The following GRID2 variants were observed in gnomAD, a reference collection of about 807,000 sequenced individuals.
GRID2 encodes glutamate ionotropic receptor delta type subunit 2.
In GRID2, 33 loss-of-function variants were observed where a neutral mutation model predicts 114.8. The ratio of observed to expected loss-of-function variants is 0.29; its 90% CI spans 0.22 to 0.38. The LOEUF (loss-of-function observed/expected upper bound fraction) is 0.38, where lower values mean the gene tolerates loss of function less well. GRID2 is among the 10% of genes least tolerant of loss of function. The pLI is 1.00. For synonymous variants in GRID2, 505 were observed against 449.9 expected, an observed-to-expected ratio of 1.12 and a Z score of -1.55; for missense variants, 1,184 against 1,257.7, an observed-to-expected ratio of 0.94 and a Z score of 0.89.
rs550475475 is a variant in GRID2 at position 92,919,526 on chromosome 4, T to C, written c.245-165469T>C. Among the ~76,000 whole-genome samples the C allele has an allele frequency of 7.2e-5, 11 of 152,338 alleles. No individual in the cohort carries two copies. In the South Asian group the frequency reaches 1.2e-3, roughly 17 times the overall value. ...TTCCCTCTACACACTGCTTTGAATGTGTCCCAGAGATTCTGGTATGTTGTG... is the reference window on the plus strand; with the variant it reads ...TTCCCTCTACACACTGCTTTGAATGCGTCCCAGAGATTCTGGTATGTTGTG... On this transcript the variant is annotated intron_variant, in intron 2 of 15. Coordinates refer to ENST00000282020, the MANE Select transcript of GRID2 (RefSeq NM_001510.4).
chr4:92,568,398 A>G (rs955754313), intron 1 of GRID2, among the ~76,000 whole-genome samples: 2 of 151,790 alleles, frequency 1.3e-5, no homozygotes, highest in African/African-American at 4.8e-5. Flanking sequence ...TTTTACAACA[A>G]TCTTTTGTCT....
intron 1 of GRID2, among the ~76,000 whole-genome samples, chr4:92,547,837 A>T (rs1726343622): frequency 6.6e-6 from 1 of 152,214 alleles, no homozygotes; most frequent in Non-Finnish European, 1.5e-5. Context: ...TGTTGAAATA[A>T]TTCTAGGTTC....
At chr4:92,969,086 C>T (rs1384596677) in intron 2 of GRID2, among the ~76,000 whole-genome samples, 1 of 151,602 alleles carries the variant, frequency 6.6e-6, no homozygotes, top group African/African-American at 2.4e-5. Context: ...ATGATCAAGT[C>T]ACTTACATTT....
Position 92,693,029 on chromosome 4 carries a change from A to AAAAG in GRID2, c.244+102746_244+102747insGAAA, listed in dbSNP as rs1553917424. 3.4e-3 allele frequency among the ~76,000 whole-genome samples: 506 copies of AAAAG among 150,860 alleles called. 1 individual carries two copies. The highest frequency in any genetic ancestry group is 5.1e-3 in the African/African-American group (210 of 41,232). ...TAGAGCGAAACTGTCTCAAAAAAAAAAAAAGAAAAGAAAAGAAAGAAATGC... is the reference window on the plus strand; with the variant it reads ...TAGAGCGAAACTGTCTCAAAAAAAAAAAAGAAAAGAAAAGAAAAGAAAGAAATGC... On this transcript the variant is annotated intron_variant, in intron 2 of 15. Coordinates refer to ENST00000282020, the MANE Select transcript of GRID2 (RefSeq NM_001510.4).
At position 92,611,048 on chromosome 4, in the gene GRID2, GTA is replaced by G. The variant is rs201876607; in HGVS notation, c.244+20772_244+20773del. On this transcript the variant is annotated intron_variant, in intron 2 of 15. Coordinates refer to ENST00000282020, the MANE Select transcript of GRID2 (RefSeq NM_001510.4). ...TGTGTGTGTGTGTGTGTGTGTAGCT[GTA>G]TATATATATGTGTGTGTGTATATAT... Among the ~76,000 whole-genome samples, 80 of 141,686 alleles carry G rather than the reference GTA, an allele frequency of 5.6e-4. 1 individual carries two copies. The East Asian group carries it at 0.013, about 23-fold the overall frequency. The allele number at this position is 141,686 out of a possible 152,430, so 93.0% of individuals were successfully genotyped here.
intron 2 of GRID2, among the ~76,000 whole-genome samples, chr4:93,046,493 A>T (rs968796100): frequency 6.6e-6 from 1 of 152,126 alleles, no homozygotes; most frequent in African/African-American, 2.4e-5. Context: ...TGTTGTATGT[A>T]TATAAAAAGT....
At chr4:93,293,533 T>TA (rs1489708036) in intron 8 of GRID2, among the ~76,000 whole-genome samples, 1 of 151,950 alleles carries the variant, frequency 6.6e-6, no homozygotes, top group African/African-American at 2.4e-5. Context: ...CCTCCATCCT[T>TA]AGACCTTTAA....
In GRID2 at chr4:93,025,593, C is replaced by T. The variant is rs192129542; in HGVS notation, c.245-59402C>T. The stretch of plus-strand genomic sequence containing the variant: ...ATGTAGATTATTATTTTAAGTAGTC[C>T]AATTTGTAACATTTACCTATAATAA... On this transcript the variant is annotated intron_variant, in intron 2 of 15. Coordinates refer to ENST00000282020, the MANE Select transcript of GRID2 (RefSeq NM_001510.4). Among the ~76,000 whole-genome samples, 920 of 151,736 alleles carry T rather than the reference C, an allele frequency of 6.1e-3. 7 individuals carry two copies. Among genetic ancestry groups the T allele is most frequent in the Non-Finnish European group, 9.2e-3 (620 of 67,692 alleles).
chr4:92,779,256 T>C (rs578194460), intron 2 of GRID2, among the ~76,000 whole-genome samples: 1 of 151,450 alleles, frequency 6.6e-6, no homozygotes, highest in Non-Finnish European at 1.5e-5. Context: ...ATAAAGTCAA[T>C]GTTGGGGATT....
intron 4 of GRID2, among the ~76,000 whole-genome samples, chr4:93,146,652 G>C (rs1409595263): frequency 6.6e-6 from 1 of 151,744 alleles, no homozygotes; most frequent in Non-Finnish European, 1.5e-5. Context: ...AAAGAAGAGG[G>C]AAGGGAGAGG....
chr4:92,473,184 C>A (rs1722127437), intron 1 of GRID2, among the ~76,000 whole-genome samples: 1 of 152,054 alleles, frequency 6.6e-6, no homozygotes, highest in Admixed American at 6.6e-5. Context: ...ACACCTTTAT[C>A]AAAAATCAAT....
At chr4:93,370,405 A>G (rs1156663236) in intron 8 of GRID2, among the ~76,000 whole-genome samples, 1 of 150,334 alleles carries the variant, frequency 6.7e-6, no homozygotes, top group Non-Finnish European at 1.5e-5. Context: ...ACACAAACAC[A>G]CACACACAAA....
chr4:92,468,577 T>G (rs1721869640), intron 1 of GRID2, among the ~76,000 whole-genome samples: 1 of 152,100 alleles, frequency 6.6e-6, no homozygotes, highest in Non-Finnish European at 1.5e-5. Context: ...CAGTTTTTGT[T>G]CTTGAGGAAC....
chr4:93,511,482 A>G (rs1370662003), intron 12 of GRID2, among the ~76,000 whole-genome samples: 1 of 152,128 alleles, frequency 6.6e-6, no homozygotes, highest in Non-Finnish European at 1.5e-5. Flanking sequence ...TAAAAAAATA[A>G]TCTCAGTCAG....
At chr4:92,744,506 A>AT (rs1322811191) in intron 2 of GRID2, among the ~76,000 whole-genome samples, 97 of 149,160 alleles carry the variant, frequency 6.5e-4, no homozygotes, top group Admixed American at 2.0e-3. Context: ...AAAAAAAAAA[A>AT]TTTTTTTTCA....
chr4:92,757,279 C>G (rs1019943062), intron 2 of GRID2, among the ~76,000 whole-genome samples: 1 of 152,008 alleles, frequency 6.6e-6, no homozygotes, highest in East Asian at 1.9e-4. Flanking sequence ...TGAACAGAAT[C>G]TATGTACTCA....
chr4:92,759,142 A>G (rs1737866444), intron 2 of GRID2, among the ~76,000 whole-genome samples: 1 of 152,180 alleles, frequency 6.6e-6, no homozygotes, highest in South Asian at 2.1e-4. Context: ...ATTTGGCTAT[A>G]CTAGTAGAGA....
intron 2 of GRID2, among the ~76,000 whole-genome samples, chr4:92,657,873 G>T (rs564994014): frequency 6.6e-6 from 1 of 151,726 alleles, no homozygotes; most frequent in Non-Finnish European, 1.5e-5. Flanking sequence ...CAATATCTGT[G>T]CATGCTGTGG....
chr4:92,535,829 C>T (rs62307820), intron 1 of GRID2, among the ~76,000 whole-genome samples: 67,192 of 151,822 alleles, frequency 0.44, 15,014 homozygotes, highest in Middle Eastern at 0.56. Flanking sequence ...TTCCTTTTGG[C>T]GGGTTCGTCG....
Sources: allele counts gnomAD v4.1 joint callset (sites outside exome capture counted in the v4.1 genomes callset), GRCh38; gene constraint gnomAD v4.1.1; transcripts MANE v1.5; gene names NCBI Gene and HGNC (gene_info 2026-07-23, HGNC 2026-07-21).